CENPE: variants seen among roughly 807,000 people sequenced by gnomAD.
CENPE encodes centromere protein E, also known as centromere-associated protein E.
CENPE carries 145 observed loss-of-function variants against 336.1 expected under a neutral mutation model. The ratio of observed to expected loss-of-function variants is 0.43; its 90% CI spans 0.38 to 0.50. The LOEUF is 0.50. Ranked by LOEUF, CENPE falls within the 20% of genes least tolerant of loss-of-function variation. The pLI is 0.00. For missense variants in CENPE, 2,719 were observed against 3,023.3 expected, an observed-to-expected ratio of 0.90 and a Z score of 2.36; for synonymous variants, 1,013 against 984.8, an observed-to-expected ratio of 1.03 and a Z score of -0.54.
chr4:103,144,320 T>A lies in CENPE; in HGVS notation c.5145+11A>T. The A allele has an allele frequency of 6.3e-7, 1 of 1,584,052 alleles. No individual in the cohort carries two copies. The highest frequency in any genetic ancestry group is 8.6e-7 in the Non-Finnish European group (1 of 1,164,840). On this transcript the variant is annotated intron_variant, in intron 33 of 48. Coordinates refer to ENST00000265148, the MANE Select transcript of CENPE (RefSeq NM_001813.3). ...CATAGTTACTAGAGGTGTAGAGAGA[T>A]GGTAACTCACTCTAGTTATAGTTTC...
chr4:103,161,987 T>C (rs928108339), intron 18 of CENPE, among the ~76,000 whole-genome samples: 2 of 152,106 alleles, frequency 1.3e-5, no homozygotes, highest in Non-Finnish European at 2.9e-5. Flanking sequence ...AATATGACTT[T>C]AGCTTATATG....
Position 103,145,685 on chromosome 4 carries a change from T to C in CENPE, c.4414-4A>G, listed in dbSNP as rs1385232498. 6.4e-6 allele frequency: 10 copies of C among 1,571,934 alleles called. No individual in the cohort carries two copies. The highest frequency in any genetic ancestry group is 2.3e-5 in the East Asian group (1 of 44,430). On this transcript the variant is annotated splice_region_variant and splice_polypyrimidine_tract_variant and intron_variant, in intron 30 of 48. Coordinates refer to ENST00000265148, the MANE Select transcript of CENPE (RefSeq NM_001813.3). ...GTTCCTCTTCAGTTTCCAGGTGCTT[T>C]ATTATTAGAGGAAATTCCAATAAAT... is the stretch of plus-strand genomic sequence containing the variant.
intron 45 of CENPE, 114 bp from the exon 46 acceptor site, chr4:103,114,666 A>G (rs1749922972): frequency 6.0e-6 from 4 of 667,546 alleles, no homozygotes; most frequent in Middle Eastern, 4.1e-4. Context: ...AATGCCTGTA[A>G]GTGGCAGTAG....
chr4:103,191,565 G>A (rs553387449), intron 8 of CENPE, among the ~76,000 whole-genome samples: 12 of 148,126 alleles, frequency 8.1e-5, no homozygotes, highest in Admixed American at 2.7e-4. Flanking sequence ...ACCAAACACC[G>A]CATGTTCTCA....
At position 103,158,636 on chromosome 4, in the gene CENPE, T is replaced by C; in HGVS notation, c.2852A>G (p.Asp951Gly). The C allele has an allele frequency of 6.2e-7, 1 of 1,604,450 alleles. No homozygotes were observed. The highest frequency in any genetic ancestry group is 8.5e-7 in the Non-Finnish European group (1 of 1,177,340). ...LQIERDQLKS[D>G]IHDTVNMNID... Reference sequence around the variant, plus strand: ...TACCATGTTAACAGTATCGTGAATATCACTTTTGAGTTGGTCCCTCTCAAT... The same window carrying C: ...TACCATGTTAACAGTATCGTGAATACCACTTTTGAGTTGGTCCCTCTCAAT... The change falls in exon 23 of 49, where the codon GAT becomes GGT. Residue 951 changes from aspartate (D) to glycine (G), a missense_variant. Around this residue, in one of 5 missense-constraint regions of CENPE, gnomAD observed 2,437 missense variants for 2,513.3 expected, o/e 0.97. Coordinates refer to ENST00000265148, the MANE Select transcript of CENPE (RefSeq NM_001813.3).
At chr4:103,164,000 C>T (rs1293843707) in intron 16 of CENPE, among the ~76,000 whole-genome samples, 3 of 152,054 alleles carry the variant, frequency 2.0e-5, no homozygotes, top group African/African-American at 7.2e-5. Context: ...TCCATCAGCT[C>T]TACATTAGTG....
In CENPE at chr4:103,138,391, T is replaced by C; in HGVS notation, c.6263A>G (p.His2088Arg). Residue 2088 changes from histidine to arginine, a missense_variant, in exon 39 of 49, where the codon CAC (histidine) becomes CGC (arginine). Physicochemically the swap from His to Arg is conservative, Grantham distance 29. Transcript: ENST00000265148. The stretch of plus-strand genomic sequence containing the variant: ...CTTTTCTCTCAGGCTTTCCGTAAGG[T>C]GCTGTTGTCCATCACTTAGTAACCT... ...EKRLLSDGQQ[H>R]LTESLREKCS... The C allele has an allele frequency of 1.2e-6, 2 of 1,613,730 alleles. No homozygotes were observed. The highest frequency in any genetic ancestry group is 1.7e-6 in the Non-Finnish European group (2 of 1,179,656).
At chr4:103,114,629 G>A (rs1749916906) in intron 45 of CENPE, 77 bp from the exon 46 acceptor site, 1 of 870,490 alleles carries the variant, frequency 1.1e-6, no homozygotes, top group East Asian at 2.6e-5. Context: ...CTGCTGTGAA[G>A]GATTTTCTAA....
At chr4:103,197,111 C>T (rs1268663344) in intron 1 of CENPE, among the ~76,000 whole-genome samples, 1 of 152,202 alleles carries the variant, frequency 6.6e-6, no homozygotes, top group Non-Finnish European at 1.5e-5. Flanking sequence ...CAAAATGCAA[C>T]TCTGATTATG....
chr4:103,131,426 A>G (rs1751579409), intron 42 of CENPE, among the ~76,000 whole-genome samples: 1 of 152,228 alleles, frequency 6.6e-6, no homozygotes, highest in Admixed American at 6.5e-5. Context: ...CACTTACTAG[A>G]ATGGTCAAAA....
intron 25 of CENPE, among the ~76,000 whole-genome samples, 194 bp downstream of exon 25, chr4:103,152,853 G>C (rs1285960613): frequency 2.0e-5 from 3 of 152,068 alleles, no homozygotes; most frequent in Non-Finnish European, 4.4e-5. Flanking sequence ...AAACTTTCTG[G>C]GGGTGATGGA....
rs775469407 is a variant in CENPE, at chr4:103,159,316, G to C, written c.2295C>G (p.Asp765Glu). 3 of 1,454,382 alleles carry C rather than the reference G, an allele frequency of 2.1e-6. No homozygotes were observed. In the African/African-American group the frequency reaches 4.4e-5, roughly 21 times the overall value. 90.1% of individuals were successfully genotyped at this position (1,454,382 alleles called of 1,614,324 possible). A position where few individuals can be genotyped will look rare whatever the true frequency, so the allele number is the denominator to read the frequency against. Residue 765 changes from aspartate (D) to glutamate (E), a missense_variant, in exon 22 of 49, where the codon GAC becomes GAG. By Grantham distance (45) the Asp-to-Glu change is conservative. This residue lies in a region of CENPE where 2,437 missense variants were observed against 2,513.3 expected (regional missense o/e 0.97). Coordinates refer to ENST00000265148, the MANE Select transcript of CENPE (RefSeq NM_001813.3). ...TTATTATATGGAGCTCTTCAGATTTGTCTTGTATCTATGGAAAAGAAATAA... is the reference window on the plus strand; with the variant it reads ...TTATTATATGGAGCTCTTCAGATTTCTCTTGTATCTATGGAAAAGAAATAA... The part of the protein sequence containing the change: ...EVERLRKEIQ[D>E]KSEELHIITS...
chr4:103,149,377 AGTT>A lies in CENPE; in HGVS notation c.3425_3427del (p.Gln1142del). ...ACTCATCTCTTCTTGTACATTAAGA[AGTT>A]GTTGCTGTTTTTCTTGGAGTTGCTG... On this transcript the variant is annotated inframe_deletion, in exon 27 of 49. Transcript: ENST00000265148. The A allele has an allele frequency of 6.3e-7, 1 of 1,576,006 alleles. No individual in the cohort carries two copies. Among genetic ancestry groups the A allele is most frequent in the Non-Finnish European group, 8.6e-7 (1 of 1,167,332 alleles).
intron 34 of CENPE, 68 bp downstream of exon 34, chr4:103,143,180 T>C: frequency 1.8e-6 from 2 of 1,128,718 alleles, no homozygotes; most frequent in South Asian, 1.6e-5. Context: ...GTAATTCATA[T>C]CTTGTTTCAT....
At position 103,121,002 on chromosome 4, in the gene CENPE, C is replaced by G. The variant is rs113347707; in HGVS notation, c.7144-669G>C. Reference sequence around the variant, plus strand: ...CTGCCTGCCTTGGCCTCCCAAAGTGCTGGGATTAAAGGCATGAACCACCAT... The same window carrying G: ...CTGCCTGCCTTGGCCTCCCAAAGTGGTGGGATTAAAGGCATGAACCACCAT... On this transcript the variant is annotated intron_variant, in intron 43 of 48. Transcript: ENST00000265148. Among the ~76,000 whole-genome samples the G allele has an allele frequency of 7.4e-3, 1,129 of 152,240 alleles. 9 individuals carry two copies. The highest frequency in any genetic ancestry group is 0.024 in the African/African-American group (1,007 of 41,544).
At chr4:103,168,876 T>C (rs1471767755) in intron 16 of CENPE, among the ~76,000 whole-genome samples, 1 of 152,142 alleles carries the variant, frequency 6.6e-6, no homozygotes, top group Admixed American at 6.5e-5. Flanking sequence ...CTAAAACAAA[T>C]AGCTACATTC....
intron 28 of CENPE, among the ~76,000 whole-genome samples, chr4:103,148,382 AGT>A (rs1753245399): frequency 6.6e-6 from 1 of 152,236 alleles, no homozygotes; most frequent in Non-Finnish European, 1.5e-5. Flanking sequence ...ATGATAAATT[AGT>A]GGTACCATGT....
chr4:103,174,173 A>T (rs12505118), intron 16 of CENPE, among the ~76,000 whole-genome samples: 24,768 of 132,208 alleles, frequency 0.19, 2,115 homozygotes, highest in South Asian at 0.34. Flanking sequence ...TCAGCTATTT[A>T]AAAAAAAAAA....
intron 24 of CENPE, among the ~76,000 whole-genome samples, chr4:103,156,405 T>C (rs1753958494): frequency 6.6e-6 from 1 of 152,058 alleles, no homozygotes; most frequent in Non-Finnish European, 1.5e-5. Context: ...TGGAACAGAA[T>C]AGAAAGACCA....
Sources: gnomAD v4.1 joint callset for allele counts (sites outside exome capture counted in the v4.1 genomes callset) on GRCh38, gnomAD v4.1.1 for gene constraint, gnomAD v4.1.1 regional missense constraint, MANE v1.5 for transcripts, NCBI Gene and HGNC (gene_info 2026-07-23, HGNC 2026-07-21) for gene names.